The following CASQ2 variants were observed in gnomAD, a reference collection of about 807,000 sequenced individuals.
CASQ2 encodes the protein calsequestrin 2, also known as calsequestrin-2.
A neutral mutation model predicts 46.5 loss-of-function variants in CASQ2; 49 were observed. That is an observed-to-expected ratio of 1.05 (90% CI 0.84 to 1.34). CASQ2 has a LOEUF of 1.34. Ranked by LOEUF, CASQ2 falls within the 40% of genes most tolerant of loss-of-function variation. The probability of loss-of-function intolerance (pLI) is 0.00; values close to 1 mark genes in which losing one functional copy is unlikely to be tolerated. For missense variants in CASQ2, 486 were observed against 481.3 expected (o/e 1.01, Z -0.09); for synonymous variants, 174 against 168.5 (o/e 1.03, Z -0.25).
At chr1:115,760,533 C>T (rs1557806044) in intron 1 of CASQ2, among the ~76,000 whole-genome samples, 2 of 152,036 alleles carry the variant, frequency 1.3e-5, no homozygotes, top group Non-Finnish European at 2.9e-5. Flanking sequence ...CTAGTCTCAG[C>T]CTCCCAAGTA....
intron 8 of CASQ2, among the ~76,000 whole-genome samples, chr1:115,706,361 C>A (rs1430069971): frequency 6.6e-6 from 1 of 152,134 alleles, no homozygotes; most frequent in Non-Finnish European, 1.5e-5. Flanking sequence ...CCTTAGAGAA[C>A]CCCCTAGTAT....
intron 5 of CASQ2, 22 bp from the exon 6 acceptor site, chr1:115,727,144 CAA>C (rs1647623933): frequency 1.9e-6 from 3 of 1,580,406 alleles, no homozygotes; most frequent in Non-Finnish European, 2.6e-6. Flanking sequence ...AGAAATAAGA[CAA>C]AGTTTATTTG....
chr1:115,708,158 G>GT lies in CASQ2; in HGVS notation c.839-2867dup, dbSNP rs1363207404. On this transcript the variant is annotated intron_variant, in intron 8 of 10. Coordinates refer to ENST00000261448, the MANE Select transcript of CASQ2 (RefSeq NM_001232.4). The stretch of plus-strand genomic sequence containing the variant: ...TGCAAGAAAAATCAAATGGGTTGTA[G>GT]TTTTTTTGTAAACGAGTGAAGTCAA... 3.3e-5 allele frequency among the ~76,000 whole-genome samples: 5 copies of GT among 152,184 alleles called. No individual in the cohort carries two copies. In the East Asian group the frequency reaches 5.8e-4, roughly 18 times the overall value.
intron 8 of CASQ2, among the ~76,000 whole-genome samples, chr1:115,712,891 T>G (rs1654593652): frequency 6.6e-6 from 1 of 150,934 alleles, no homozygotes; most frequent in Admixed American, 6.6e-5. Context: ...GAACCAAATG[T>G]TAAATTTGGT....
chr1:115,768,691 A>T lies in CASQ2; in HGVS notation c.-150T>A. 1 of 656,444 alleles carries T rather than the reference A, an allele frequency of 1.5e-6. No homozygotes were observed. The highest frequency in any genetic ancestry group is 2.7e-5 in the East Asian group (1 of 36,536). 40.7% of individuals were successfully genotyped at this position (656,444 alleles called of 1,614,324 possible). A position where few individuals can be genotyped will look rare whatever the true frequency, so the allele number is the denominator to read the frequency against. ...TCCTGGGGCTGAAAAGTGACTCTTCACCTCCTTGGGTCCAGCCAGCTCTGG... is the reference window on the plus strand; with the variant it reads ...TCCTGGGGCTGAAAAGTGACTCTTCTCCTCCTTGGGTCCAGCCAGCTCTGG... On this transcript the variant is annotated 5_prime_UTR_variant, in exon 1 of 11. Coordinates refer to ENST00000261448, the MANE Select transcript of CASQ2 (RefSeq NM_001232.4).
At chr1:115,747,129 G>A (rs1570842677) in intron 1 of CASQ2, among the ~76,000 whole-genome samples, 1 of 152,064 alleles carries the variant, frequency 6.6e-6, no homozygotes, top group South Asian at 2.1e-4. Context: ...TTATATTTAA[G>A]TTCGTGATTC....
chr1:115,754,691 C>T (rs1648699960), intron 1 of CASQ2, among the ~76,000 whole-genome samples: 1 of 152,224 alleles, frequency 6.6e-6, no homozygotes, highest in Non-Finnish European at 1.5e-5. Flanking sequence ...TGTTCCTATA[C>T]CTGGGCCTCT....
chr1:115,732,880 T>C (rs544256146), intron 5 of CASQ2, 21 bp downstream of exon 5: 32 of 1,567,648 alleles, frequency 2.0e-5, no homozygotes, highest in South Asian at 5.5e-5. Flanking sequence ...CTGTTCAAAT[T>C]GGGGTTTCAT....
chr1:115,718,978 G>A (rs1570808763), intron 7 of CASQ2, among the ~76,000 whole-genome samples: 1 of 152,016 alleles, frequency 6.6e-6, no homozygotes, highest in Admixed American at 6.6e-5. Context: ...TATGCTTTGG[G>A]CACCCTGAAC....
At chr1:115,766,707 G>T (rs1649142081) in intron 1 of CASQ2, among the ~76,000 whole-genome samples, 1 of 152,020 alleles carries the variant, frequency 6.6e-6, no homozygotes, top group Non-Finnish European at 1.5e-5. Context: ...TAACTCCTGT[G>T]GTGAACTTTT....
At chr1:115,744,172 A>G (rs1444077308) in intron 2 of CASQ2, among the ~76,000 whole-genome samples, 1 of 151,978 alleles carries the variant, frequency 6.6e-6, no homozygotes, top group African/African-American at 2.4e-5. Flanking sequence ...AAAAGAAAAG[A>G]AAAAGAAAAC....
intron 8 of CASQ2, among the ~76,000 whole-genome samples, chr1:115,712,548 A>C (rs1033218485): frequency 6.6e-6 from 1 of 152,224 alleles, no homozygotes. Context: ...GGAAGATGAT[A>C]AAAACAGCAC....
chr1:115,704,318 G>A (rs189651741), intron 9 of CASQ2, among the ~76,000 whole-genome samples: 35 of 152,212 alleles, frequency 2.3e-4, no homozygotes, highest in South Asian at 8.3e-4. Flanking sequence ...TAAAGCAGTC[G>A]GTAGACCAGG....
intron 5 of CASQ2, among the ~76,000 whole-genome samples, chr1:115,727,444 T>C (rs900780209): frequency 3.3e-5 from 5 of 152,216 alleles, no homozygotes; most frequent in Non-Finnish European, 7.3e-5. Context: ...TTGCCAGGGC[T>C]GGATGGGAAG....
intron 1 of CASQ2, among the ~76,000 whole-genome samples, chr1:115,746,811 G>A (rs963187010): frequency 7.2e-5 from 11 of 151,794 alleles, no homozygotes; most frequent in Non-Finnish European, 1.3e-4. Context: ...AATAATAATT[G>A]TACATATCCA....
In CASQ2 at chr1:115,744,924, A is replaced by C. The variant is rs1648331593; in HGVS notation, c.235-12T>G. 1 of 1,594,756 alleles carries C rather than the reference A, an allele frequency of 6.3e-7. No homozygotes were observed. Among genetic ancestry groups the C allele is most frequent in the Admixed American group, 1.7e-5 (1 of 59,886 alleles). ...ACCTGGGCCACAAGCTGAAGAAACA[A>C]ATGGAAAGATGAGTGTGCTAAGGGC... On this transcript the variant is annotated splice_polypyrimidine_tract_variant and intron_variant, in intron 1 of 10. Coordinates refer to ENST00000261448, the MANE Select transcript of CASQ2 (RefSeq NM_001232.4).
At chr1:115,763,007 G>A (rs1288798459) in intron 1 of CASQ2, among the ~76,000 whole-genome samples, 1 of 152,176 alleles carries the variant, frequency 6.6e-6, no homozygotes, top group East Asian at 1.9e-4. Flanking sequence ...TTATTTAGTT[G>A]TGTTTTTGAG....
At chr1:115,713,440 G>A (rs1423415548) in intron 8 of CASQ2, among the ~76,000 whole-genome samples, 9 of 152,222 alleles carry the variant, frequency 5.9e-5, no homozygotes, top group Admixed American at 5.9e-4. Flanking sequence ...AGGGCCAGGA[G>A]AGCAGACTCT....
At chr1:115,706,195 C>T (rs962009440) in intron 8 of CASQ2, among the ~76,000 whole-genome samples, 5 of 151,418 alleles carry the variant, frequency 3.3e-5, no homozygotes, top group Non-Finnish European at 5.9e-5. Context: ...TGTGTGTGTG[C>T]GTGTGTGTGT....
Sources: gnomAD v4.1 joint callset for allele counts (sites outside exome capture counted in the v4.1 genomes callset) on GRCh38, gnomAD v4.1.1 for gene constraint, MANE v1.5 for transcripts, NCBI Gene and HGNC (gene_info 2026-07-23, HGNC 2026-07-21) for gene names.